The following TECPR2 variants were observed in gnomAD, a reference collection of about 807,000 sequenced individuals.
TECPR2 encodes tectonin beta-propeller repeat containing 2, also known as tectonin beta-propeller repeat-containing protein 2.
TECPR2 carries 65 observed loss-of-function variants against 138.1 expected under a neutral mutation model. The ratio of observed to expected loss-of-function variants is 0.47; its 90% confidence interval spans 0.39 to 0.58. The LOEUF is 0.58. TECPR2 is among the 20% of genes least tolerant of loss of function. TECPR2 has a pLI of 0.00. For synonymous variants in TECPR2, 746 were observed against 749.8 expected (o/e 0.99, Z 0.08); for missense variants, 1,553 against 1,824.5 (o/e 0.85, Z 2.71).
intron 2 of TECPR2, among the ~76,000 whole-genome samples, chr14:102,404,071 T>G (rs1239526047): frequency 1.3e-5 from 2 of 151,744 alleles, no homozygotes; most frequent in African/African-American, 4.8e-5. Context: ...CTTTTTTTTT[T>G]TTTTTAATTT....
chr14:102,410,411 G>A (rs1428331084), intron 4 of TECPR2, among the ~76,000 whole-genome samples: 1 of 149,732 alleles, frequency 6.7e-6, no homozygotes, highest in East Asian at 2.0e-4. Context: ...ATTGTCCCAT[G>A]ACCCTGCCAA....
rs1164867574 is a variant in TECPR2, at chr14:102,499,225, T to C, written c.*968T>C. On this transcript the variant is annotated 3_prime_UTR_variant, in exon 20 of 20. Coordinates refer to ENST00000359520, the MANE Select transcript of TECPR2 (RefSeq NM_014844.5). The stretch of plus-strand genomic sequence containing the variant: ...GGGGAGCTGAGCAAGGGTCGCTCAC[T>C]TAGAAATGTCTTTGGAATGGTGTTT... 1.5e-6 allele frequency: 1 copy of C among 689,116 alleles called. No individual in the cohort carries two copies. Among genetic ancestry groups the C allele is most frequent in the Non-Finnish European group, 2.7e-6 (1 of 374,906 alleles). The allele number at this position is 689,116 out of a possible 1,614,324, so 42.7% of individuals were successfully genotyped here.
Position 102,415,038 on chromosome 14 carries a change from C to T in TECPR2, c.638+245C>T, listed in dbSNP as rs1387595454. 6.6e-6 allele frequency among the ~76,000 whole-genome samples: 1 copy of T among 152,182 alleles called. No homozygotes were observed. Among genetic ancestry groups the T allele is most frequent in the Non-Finnish European group, 1.5e-5 (1 of 68,032 alleles). ...GCCTGCACACACAGCCACTCTGCCT[C>T]TCAGGGTGCCACAGTCAGCGCAGAG... On this transcript the variant is annotated intron_variant, in intron 5 of 19. Coordinates refer to ENST00000359520, the MANE Select transcript of TECPR2 (RefSeq NM_014844.5). The surrounding 1 kb of genome is among the most constrained non-coding windows in gnomAD (Gnocchi z 4.3).
At chr14:102,483,602 A>G (rs1161319985) in intron 17 of TECPR2, among the ~76,000 whole-genome samples, 1 of 151,140 alleles carries the variant, frequency 6.6e-6, no homozygotes, top group Non-Finnish European at 1.5e-5. Flanking sequence ...CACCATGTTC[A>G]GCTAATTTTT....
chr14:102,485,965 G>A (rs1891018573), intron 17 of TECPR2, among the ~76,000 whole-genome samples: 1 of 152,234 alleles, frequency 6.6e-6, no homozygotes. Flanking sequence ...GGTCTGGAGG[G>A]TAGACAGGAA....
At chr14:102,451,243 G>C (rs1432297053) in intron 15 of TECPR2, among the ~76,000 whole-genome samples, 1 of 152,144 alleles carries the variant, frequency 6.6e-6, no homozygotes, top group Non-Finnish European at 1.5e-5. Flanking sequence ...CGCTTAGCTG[G>C]GAGCCCCGGC....
chr14:102,391,462 G>C (rs1888173803), intron 2 of TECPR2, among the ~76,000 whole-genome samples: 1 of 152,116 alleles, frequency 6.6e-6, no homozygotes, highest in Admixed American at 6.6e-5. Flanking sequence ...TGGTGGGGTG[G>C]GGTATGTAGT....
chr14:102,469,457 GTAGAT>G (rs570559880), intron 17 of TECPR2, among the ~76,000 whole-genome samples: 160 of 152,238 alleles, frequency 1.1e-3, no homozygotes, highest in African/African-American at 3.7e-3. Flanking sequence ...ACAGGTTTTT[GTAGAT>G]TCTTTTGCAT....
intron 17 of TECPR2, among the ~76,000 whole-genome samples, chr14:102,477,599 G>A (rs1319780633): frequency 6.8e-6 from 1 of 146,442 alleles, no homozygotes; most frequent in South Asian, 2.2e-4. Flanking sequence ...AGCCCAGACT[G>A]GGGTACAGTG....
At chr14:102,391,117 G>A (rs1263582649) in intron 2 of TECPR2, among the ~76,000 whole-genome samples, 1 of 152,162 alleles carries the variant, frequency 6.6e-6, no homozygotes, top group Non-Finnish European at 1.5e-5. Context: ...GGAGTGCAGT[G>A]GCATGATCTC....
At chr14:102,410,464 AT>A (rs1464499575) in intron 4 of TECPR2, among the ~76,000 whole-genome samples, 1 of 149,732 alleles carries the variant, frequency 6.7e-6, no homozygotes, top group African/African-American at 2.5e-5. Flanking sequence ...CAATAAAAAA[AT>A]AAATTAAAAA....
chr14:102,435,515 G>A (rs1055345626), intron 9 of TECPR2, among the ~76,000 whole-genome samples: 1 of 152,194 alleles, frequency 6.6e-6, no homozygotes, highest in East Asian at 1.9e-4. Flanking sequence ...GTTAGCCATC[G>A]TAGGGCAGGG....
At chr14:102,486,566 G>A (rs1891030888) in intron 17 of TECPR2, among the ~76,000 whole-genome samples, 1 of 152,178 alleles carries the variant, frequency 6.6e-6, no homozygotes, top group African/African-American at 2.4e-5. Flanking sequence ...CCTTCCACAG[G>A]GGCCCTGAGG....
rs148742107 is a variant in TECPR2, at chr14:102,487,832, C to T, written c.3790-9147C>T. Among the ~76,000 whole-genome samples, 302 of 150,784 alleles carry T rather than the reference C, an allele frequency of 2.0e-3. 2 individuals carry two copies. The highest frequency in any genetic ancestry group is 7.0e-3 in the African/African-American group (290 of 41,268). ...CTGGGATTACAGGCGTGAGCCACCA[C>T]GCCCGGCCTGTTTGTTTTTTTTTTT... On this transcript the variant is annotated intron_variant, in intron 17 of 19. Transcript: ENST00000359520.
chr14:102,458,971 A>ATATG (rs1890341903), intron 16 of TECPR2, among the ~76,000 whole-genome samples: 1 of 111,396 alleles, frequency 9.0e-6, no homozygotes, highest in South Asian at 2.4e-4. Flanking sequence ...ACACACATAT[A>ATATG]TATATATATA....
At chr14:102,390,250 A>G (rs1299747642) in intron 2 of TECPR2, among the ~76,000 whole-genome samples, 3 of 152,218 alleles carry the variant, frequency 2.0e-5, no homozygotes, top group Non-Finnish European at 2.9e-5. Flanking sequence ...TGCTATTGTA[A>G]TGGTGAGATG....
At chr14:102,391,139 A>T (rs1409705145) in intron 2 of TECPR2, among the ~76,000 whole-genome samples, 1 of 152,174 alleles carries the variant, frequency 6.6e-6, no homozygotes, top group South Asian at 2.1e-4. Context: ...GCTCACTGCA[A>T]CCTTTGCCTC....
chr14:102,371,277 A>G (rs1288381037), intron 1 of TECPR2, among the ~76,000 whole-genome samples: 1 of 152,212 alleles, frequency 6.6e-6, no homozygotes, highest in East Asian at 1.9e-4. Flanking sequence ...AGAAAGTCTT[A>G]GCAGAAATGT....
intron 5 of TECPR2, among the ~76,000 whole-genome samples, chr14:102,421,716 G>A (rs1315591521): frequency 6.6e-6 from 1 of 152,156 alleles, no homozygotes; most frequent in Non-Finnish European, 1.5e-5. Context: ...CACAAGCATT[G>A]CTTTTGTGCT....
Sources: allele counts gnomAD v4.1 joint callset (sites outside exome capture counted in the v4.1 genomes callset), GRCh38; gene constraint gnomAD v4.1.1; non-coding constraint Gnocchi (gnomAD v3.1); transcripts MANE v1.5; gene names NCBI Gene and HGNC (gene_info 2026-07-23, HGNC 2026-07-21).